Variants in JARID2 observed in about 807,000 individuals in gnomAD.
JARID2 encodes protein Jumonji.
A neutral mutation model predicts 125.6 loss-of-function variants in JARID2; 21 were observed. The observed-to-expected ratio is 0.17, with a 90% CI of 0.12 to 0.24. JARID2 has a LOEUF of 0.24. Among genes scored for constraint, JARID2 ranks in the 10% least tolerant of loss-of-function variants. The pLI is 1.00. For synonymous variants in JARID2, 736 were observed against 661.6 expected, an observed-to-expected ratio of 1.11 and a Z score of -1.73; for missense variants, 1,303 against 1,639.6, an observed-to-expected ratio of 0.79 and a Z score of 3.55.
chr6:15,264,322 T>G (rs984852775), intron 1 of JARID2, among the ~76,000 whole-genome samples: 10 of 152,194 alleles, frequency 6.6e-5, no homozygotes, highest in African/African-American at 2.2e-4. Flanking sequence ...TCAGGTTCAT[T>G]GTCAAAAAAT....
intron 4 of JARID2, among the ~76,000 whole-genome samples, chr6:15,455,053 C>T (rs545244421): frequency 1.4e-4 from 21 of 151,826 alleles, no homozygotes; most frequent in East Asian, 3.9e-4. Flanking sequence ...TATATCTAGC[C>T]GCGCTTGGTT....
At chr6:15,261,427 C>T (rs1376682559) in intron 1 of JARID2, among the ~76,000 whole-genome samples, 14 of 150,462 alleles carry the variant, frequency 9.3e-5, no homozygotes, top group African/African-American at 2.9e-4. Context: ...AAGCGCTTCT[C>T]TTGCCTCAGC....
intron 1 of JARID2, among the ~76,000 whole-genome samples, chr6:15,373,471 T>G (rs1451923586): frequency 6.6e-6 from 1 of 152,202 alleles, no homozygotes; most frequent in Non-Finnish European, 1.5e-5. Context: ...ACCTTCAAGA[T>G]CCATCATTAA....
At chr6:15,480,251 C>G (rs536873534) in intron 5 of JARID2, among the ~76,000 whole-genome samples, 1 of 152,268 alleles carries the variant, frequency 6.6e-6, no homozygotes, top group African/African-American at 2.4e-5. Context: ...TCAGGGTCTT[C>G]TTTTCCTTTG....
intron 4 of JARID2, among the ~76,000 whole-genome samples, chr6:15,457,398 C>T (rs950246467): frequency 1.3e-5 from 2 of 152,270 alleles, no homozygotes; most frequent in African/African-American, 4.8e-5. Flanking sequence ...GCAAACATAG[C>T]TTGTCACATC....
At chr6:15,376,340 T>C (rs568653039) in intron 2 of JARID2, among the ~76,000 whole-genome samples, 1 of 152,326 alleles carries the variant, frequency 6.6e-6, no homozygotes, top group East Asian at 1.9e-4. Context: ...CAAGGTTACC[T>C]TTTTGTTATT....
chr6:15,383,861 C>T (rs1177754552), intron 2 of JARID2, among the ~76,000 whole-genome samples: 3 of 152,208 alleles, frequency 2.0e-5, no homozygotes, highest in East Asian at 1.9e-4. Flanking sequence ...ATGGCACGAC[C>T]TTGGCTCACT....
chr6:15,451,988 T>A lies in JARID2; in HGVS notation c.324-18T>A, dbSNP rs1767940455. ...AGTCTCTGCTTAATTTATTTTTAAT[T>A]TTCTTTTGCTTTTGCAGGCCCAGGC... On this transcript the variant is annotated intron_variant, in intron 3 of 17. Coordinates refer to ENST00000341776, the MANE Select transcript of JARID2 (RefSeq NM_004973.4). 1 of 1,610,608 alleles carries A rather than the reference T, an allele frequency of 6.2e-7. No homozygotes were observed. Among genetic ancestry groups the A allele is most frequent in the Non-Finnish European group, 8.5e-7 (1 of 1,178,718 alleles).
intron 2 of JARID2, among the ~76,000 whole-genome samples, 189 bp downstream of exon 2, chr6:15,374,441 G>A: frequency 6.6e-6 from 1 of 152,176 alleles, no homozygotes; most frequent in East Asian, 1.9e-4. Context: ...GTTCCTTTAT[G>A]TACCGCGTTA....
At chr6:15,287,395 T>C (rs1761044490) in intron 1 of JARID2, among the ~76,000 whole-genome samples, 2 of 152,256 alleles carry the variant, frequency 1.3e-5, no homozygotes, top group East Asian at 1.9e-4. Context: ...CTTTGTTGAA[T>C]AACAAGTCCT....
At chr6:15,473,781 C>T (rs1276794447) in intron 5 of JARID2, among the ~76,000 whole-genome samples, 2 of 152,264 alleles carry the variant, frequency 1.3e-5, no homozygotes, top group East Asian at 3.9e-4. Flanking sequence ...TGCCACATGG[C>T]TTGAATGGCC....
chr6:15,318,033 G>T (rs1762233597), intron 1 of JARID2, among the ~76,000 whole-genome samples: 1 of 152,192 alleles, frequency 6.6e-6, no homozygotes, highest in Admixed American at 6.5e-5. Context: ...CTCCAGATTA[G>T]TGAATATATC....
chr6:15,383,429 C>G (rs1764666667), intron 2 of JARID2, among the ~76,000 whole-genome samples: 1 of 152,058 alleles, frequency 6.6e-6, no homozygotes, highest in Non-Finnish European at 1.5e-5. Flanking sequence ...TCATTTACCT[C>G]TCTTTACTGG....
chr6:15,341,950 A>C (rs769770278), intron 1 of JARID2, among the ~76,000 whole-genome samples: 4 of 152,004 alleles, frequency 2.6e-5, no homozygotes, highest in Non-Finnish European at 5.9e-5. Context: ...TTTGTATTTG[A>C]TTTACAAGAG....
intron 5 of JARID2, among the ~76,000 whole-genome samples, chr6:15,469,353 C>CA (rs1561884672): frequency 1.0e-4 from 4 of 39,036 alleles, no homozygotes; most frequent in Non-Finnish European, 5.9e-5. Flanking sequence ...CTCTCTCTCT[C>CA]TCTCTCTCCT....
chr6:15,347,864 A>T (rs1763293840), intron 1 of JARID2, among the ~76,000 whole-genome samples: 1 of 151,990 alleles, frequency 6.6e-6, no homozygotes, highest in South Asian at 2.1e-4. Flanking sequence ...CCTTCCTGCC[A>T]CCTCAGCCTT....
intron 3 of JARID2, among the ~76,000 whole-genome samples, chr6:15,433,298 C>T (rs1767045828): frequency 6.6e-6 from 1 of 152,034 alleles, no homozygotes; most frequent in Non-Finnish European, 1.5e-5. Flanking sequence ...TGTTCATCTG[C>T]CTTGTGCAGA....
intron 4 of JARID2, among the ~76,000 whole-genome samples, chr6:15,462,058 C>T (rs1474959698): frequency 6.6e-6 from 1 of 152,186 alleles, no homozygotes; most frequent in African/African-American, 2.4e-5. Context: ...CCAGAAAGGA[C>T]ATTAAGTGAA....
chr6:15,478,135 C>A (rs193024518), intron 5 of JARID2, among the ~76,000 whole-genome samples: 2 of 152,282 alleles, frequency 1.3e-5, no homozygotes, highest in African/African-American at 4.8e-5. Flanking sequence ...GCCCATGCCC[C>A]ATGAGTTTGG....
Sources: allele counts gnomAD v4.1 joint callset (sites outside exome capture counted in the v4.1 genomes callset), GRCh38; gene constraint gnomAD v4.1.1; transcripts MANE v1.5; gene names NCBI Gene and HGNC (gene_info 2026-07-23, HGNC 2026-07-21).